Variants in GPC5 observed in about 807,000 individuals in gnomAD.
GPC5 encodes the protein glypican 5.
GPC5 carries 47 observed loss-of-function variants against 53.9 expected under a neutral mutation model. The observed-to-expected ratio is 0.87, with a 90% CI of 0.69 to 1.11. The LOEUF (loss-of-function observed/expected upper bound fraction) is 1.11, where lower values mean the gene tolerates loss of function less well. GPC5 is among the 50% of genes most tolerant of loss of function. The pLI, the probability that GPC5 is intolerant of heterozygous loss-of-function variation, is 0.00. For synonymous variants in GPC5, 286 were observed against 263.3 expected (o/e 1.09, Z -0.84); for missense variants, 748 against 713.1 (o/e 1.05, Z -0.56).
chr13:91,828,730 A>G (rs1185043695), intron 5 of GPC5, among the ~76,000 whole-genome samples: 1 of 152,082 alleles, frequency 6.6e-6, no homozygotes, highest in African/African-American at 2.4e-5. Flanking sequence ...ATCAGAAATT[A>G]GTAAATACAG....
intron 7 of GPC5, among the ~76,000 whole-genome samples, chr13:92,822,084 T>C (rs1877693134): frequency 1.3e-5 from 2 of 152,180 alleles, no homozygotes; most frequent in African/African-American, 2.4e-5. Flanking sequence ...ACATATTATT[T>C]AGCCTCTTGT....
intron 7 of GPC5, among the ~76,000 whole-genome samples, chr13:92,742,599 G>C (rs148506895): frequency 0.059 from 8,927 of 151,222 alleles, 354 homozygotes; most frequent in South Asian, 0.16. Flanking sequence ...GATCCCATTT[G>C]TCAATTTTGG....
intron 6 of GPC5, among the ~76,000 whole-genome samples, chr13:91,993,737 T>G (rs2040478859): frequency 6.6e-6 from 1 of 152,170 alleles, no homozygotes. Flanking sequence ...TCTCATTTAT[T>G]GAATCTCAAA....
At chr13:92,654,683 T>C (rs1259418360) in intron 7 of GPC5, among the ~76,000 whole-genome samples, 3 of 152,098 alleles carry the variant, frequency 2.0e-5, no homozygotes, top group African/African-American at 7.2e-5. Context: ...GAAAATAATA[T>C]TCTCATGTCA....
At chr13:91,574,965 G>A (rs1191335112) in intron 2 of GPC5, among the ~76,000 whole-genome samples, 1 of 152,142 alleles carries the variant, frequency 6.6e-6, no homozygotes, top group Non-Finnish European at 1.5e-5. Flanking sequence ...AAAACTCTGG[G>A]CATGATGCCA....
At chr13:92,674,477 C>G (rs1161217326) in intron 7 of GPC5, among the ~76,000 whole-genome samples, 7 of 151,798 alleles carry the variant, frequency 4.6e-5, no homozygotes, top group Non-Finnish European at 1.0e-4. Flanking sequence ...GGACAAAGAC[C>G]AAATATCCTG....
intron 2 of GPC5, among the ~76,000 whole-genome samples, chr13:91,575,592 G>A (rs1037286172): frequency 1.3e-5 from 2 of 152,088 alleles, no homozygotes; most frequent in Admixed American, 1.3e-4. Flanking sequence ...TGTACCCACT[G>A]GCAGAAAAGT....
At chr13:92,173,971 G>GGC (rs1182388224) in intron 7 of GPC5, among the ~76,000 whole-genome samples, 1 of 151,950 alleles carries the variant, frequency 6.6e-6, no homozygotes, top group East Asian at 1.9e-4. Flanking sequence ...TGGGTGTGGT[G>GGC]GCACCCACCT....
At chr13:91,802,250 G>T (rs1195979365) in intron 5 of GPC5, among the ~76,000 whole-genome samples, 1 of 151,918 alleles carries the variant, frequency 6.6e-6, no homozygotes, top group Non-Finnish European at 1.5e-5. Context: ...TCTTCCCTCT[G>T]GTGGGTTCGT....
chr13:91,878,977 A>T (rs1408233246), intron 5 of GPC5, among the ~76,000 whole-genome samples: 1 of 152,124 alleles, frequency 6.6e-6, no homozygotes, highest in African/African-American at 2.4e-5. Flanking sequence ...CTCTATAATC[A>T]TATTGTCTCC....
chr13:91,793,384 A>G (rs1366103075), intron 5 of GPC5, among the ~76,000 whole-genome samples: 2 of 152,094 alleles, frequency 1.3e-5, no homozygotes, highest in Non-Finnish European at 2.9e-5. Flanking sequence ...TCAAGATGAG[A>G]TTTGGGTGGG....
Position 91,448,781 on chromosome 13 carries a change from A to G in GPC5, c.184A>G (p.Ile62Val), listed in dbSNP as rs925447067. 12 of 1,612,950 alleles carry G rather than the reference A, an allele frequency of 7.4e-6. No homozygotes were observed. The highest frequency in any genetic ancestry group is 9.3e-6 in the Non-Finnish European group (11 of 1,179,614). ...TCCAGGACCTGATCTTCAGGTTTGC[A>G]TATCCAAAAAGCCTACATGTTGCAC... ...PRAGPDLQVC[I>V]SKKPTCCTRK... Residue 62 changes from isoleucine (I) to valine (V), a missense_variant, in exon 2 of 8, where the codon ATA (isoleucine) becomes GTA (valine). Transcript: ENST00000377067.
chr13:91,491,756 T>C (rs552203435), intron 2 of GPC5, among the ~76,000 whole-genome samples: 1 of 152,170 alleles, frequency 6.6e-6, no homozygotes, highest in African/African-American at 2.4e-5. Context: ...TCTTCACATC[T>C]TCTTTGTGTG....
chr13:91,841,974 T>G (rs2038792871), intron 5 of GPC5, among the ~76,000 whole-genome samples: 1 of 152,212 alleles, frequency 6.6e-6, no homozygotes, highest in African/African-American at 2.4e-5. Context: ...AGATAAACTA[T>G]TTTGAAGTAA....
chr13:91,848,297 T>C (rs2038874738), intron 5 of GPC5, among the ~76,000 whole-genome samples: 1 of 152,198 alleles, frequency 6.6e-6, no homozygotes, highest in African/African-American at 2.4e-5. Context: ...TGGCCTACAG[T>C]TGGTTTATTT....
chr13:92,638,147 A>C (rs576002400), intron 7 of GPC5, among the ~76,000 whole-genome samples: 1 of 152,328 alleles, frequency 6.6e-6, no homozygotes, highest in South Asian at 2.1e-4. Context: ...AGGGGAGAGG[A>C]AAGTTTTCAG....
At position 92,232,496 on chromosome 13, in the gene GPC5, C is replaced by A. The variant is rs570635081; in HGVS notation, c.1561+87507C>A. Among the ~76,000 whole-genome samples the A allele has an allele frequency of 2.0e-5, 3 of 152,270 alleles. No homozygotes were observed. In the South Asian group the frequency reaches 6.2e-4, roughly 32 times the overall value. On this transcript the variant is annotated intron_variant, in intron 7 of 7. Transcript: ENST00000377067. ...AGGCTGGCTAGGGTCAGTAATATTT[C>A]TCATGTCTGGCAGATCATCTGTTAC...
At chr13:91,916,713 T>A (rs1421397113) in intron 6 of GPC5, among the ~76,000 whole-genome samples, 1 of 152,126 alleles carries the variant, frequency 6.6e-6, no homozygotes, top group Admixed American at 6.5e-5. Context: ...TCAGGAACCT[T>A]ACAATCATGA....
chr13:91,434,418 A>G (rs1879749542), intron 1 of GPC5, among the ~76,000 whole-genome samples: 1 of 152,038 alleles, frequency 6.6e-6, no homozygotes, highest in African/African-American at 2.4e-5. Flanking sequence ...CTTTCTACAT[A>G]TGGCTAGCCA....
Sources: gnomAD v4.1 joint callset for allele counts (sites outside exome capture counted in the v4.1 genomes callset) on GRCh38, gnomAD v4.1.1 for gene constraint, MANE v1.5 for transcripts, NCBI Gene and HGNC (gene_info 2026-07-23, HGNC 2026-07-21) for gene names.